The following ADGRE5 variants were observed in gnomAD, a reference collection of about 807,000 sequenced individuals.
The protein encoded by ADGRE5 is CD97 molecule.
A neutral mutation model predicts 100.3 loss-of-function variants in ADGRE5; 72 were observed. That is an observed-to-expected ratio of 0.72 (90% CI 0.59 to 0.87). The LOEUF (loss-of-function observed/expected upper bound fraction) is 0.87, where lower values mean the gene tolerates loss of function less well. Ranked by LOEUF, ADGRE5 falls within the 40% of genes least tolerant of loss-of-function variation. The pLI is 0.00. For missense variants in ADGRE5, 959 were observed against 1,094.7 expected (o/e 0.88, Z 1.75); for synonymous variants, 439 against 447.8 (o/e 0.98, Z 0.25).
chr19:14,387,379 G>C (rs1975396067), intron 1 of ADGRE5, among the ~76,000 whole-genome samples: 1 of 151,918 alleles, frequency 6.6e-6, no homozygotes, highest in Non-Finnish European at 1.5e-5. Flanking sequence ...TTGAGGCCAG[G>C]AGTTCAAGAT....
chr19:14,388,399 C>G, intron 1 of ADGRE5, 51 bp from the exon 2 acceptor site: 1 of 1,427,810 alleles, frequency 7.0e-7, no homozygotes, highest in Non-Finnish European at 9.4e-7. Context: ...CCTTACGCCT[C>G]CTTTCCCACC....
intron 4 of ADGRE5, among the ~76,000 whole-genome samples, chr19:14,393,547 G>T (rs10419498): frequency 3.3e-4 from 50 of 152,324 alleles, no homozygotes; most frequent in African/African-American, 9.1e-4. Context: ...CAAAGAGAGG[G>T]AGTTAGTGCA....
rs1171465390 is a variant in ADGRE5, at chr19:14,406,876, C to T, written c.2123C>T (p.Ala708Val). ...AATCTGCTCCCTGCCCAGTGCAATG[C>T]TGTCATTTTCGTGACTACCGTCTGG... ...GPVTFIILCN[A>V]VIFVTTVWKL... Residue 708 changes from alanine (A) to valine (V), a missense_variant, in exon 17 of 20, where the codon GCT becomes GTT. Physicochemically the swap from Ala to Val is moderately conservative, Grantham distance 64. This residue lies in a region of ADGRE5 where 428 missense variants were observed against 386.2 expected (regional missense o/e 1.11). Coordinates refer to ENST00000242786, the MANE Select transcript of ADGRE5 (RefSeq NM_078481.4). This position sits in a 1 kb window ranked among gnomAD's most constrained non-coding sequence, Gnocchi z 6.0. The T allele has an allele frequency of 6.2e-7, 1 of 1,613,910 alleles. No individual in the cohort carries two copies. Among genetic ancestry groups the T allele is most frequent in the African/African-American group, 1.3e-5 (1 of 74,946 alleles).
In ADGRE5 at chr19:14,401,911, G is replaced by T; in HGVS notation, c.1183+151G>T. 2.0e-6 allele frequency: 1 copy of T among 507,700 alleles called. No homozygotes were observed. Among genetic ancestry groups the T allele is most frequent in the Non-Finnish European group, 3.4e-6 (1 of 292,750 alleles). 31.4% of individuals were successfully genotyped at this position (507,700 alleles called of 1,614,324 possible). ...TTTGGGAGGCCCAGGTGGGTAGATC[G>T]CTTGAGCTCAGAAGTTCAAGACCAG... On this transcript the variant is annotated intron_variant, in intron 11 of 19. Coordinates refer to ENST00000242786, the MANE Select transcript of ADGRE5 (RefSeq NM_078481.4). This position sits in a 1 kb window ranked among gnomAD's most constrained non-coding sequence, Gnocchi z 4.1.
intron 11 of ADGRE5, 121 bp from the exon 12 acceptor site, chr19:14,402,476 G>T: frequency 1.0e-6 from 1 of 959,994 alleles, no homozygotes; most frequent in Non-Finnish European, 1.6e-6. Flanking sequence ...TGACTCATCG[G>T]GAGGGGCTCC....
chr19:14,385,877 C>G (rs1398723866), intron 1 of ADGRE5, among the ~76,000 whole-genome samples: 1 of 151,326 alleles, frequency 6.6e-6, no homozygotes, highest in Non-Finnish European at 1.5e-5. Flanking sequence ...TCAAGCGATT[C>G]TCAAGCCTCA....
chr19:14,406,639 C>T lies in ADGRE5; in HGVS notation c.2049-61C>T, dbSNP rs1226177255. The T allele has an allele frequency of 6.2e-7, 1 of 1,603,028 alleles. No homozygotes were observed. ...GGCAGTGCCACACACAATGTCCGGC[C>T]GCCCTCCGTTCCGCTCCTGGCTTCC... On this transcript the variant is annotated intron_variant, in intron 15 of 19. Coordinates refer to ENST00000242786, the MANE Select transcript of ADGRE5 (RefSeq NM_078481.4). This position sits in a 1 kb window ranked among gnomAD's most constrained non-coding sequence, Gnocchi z 6.0.
intron 14 of ADGRE5, 50 bp downstream of exon 14, chr19:14,405,989 G>T: frequency 6.6e-7 from 1 of 1,525,604 alleles, no homozygotes; most frequent in Non-Finnish European, 8.8e-7. Flanking sequence ...GGGAGGCCTG[G>T]GAGGGGTTAG....
intron 4 of ADGRE5, among the ~76,000 whole-genome samples, chr19:14,394,003 G>A (rs897161905): frequency 1.3e-5 from 2 of 152,178 alleles, no homozygotes; most frequent in Non-Finnish European, 2.9e-5. Context: ...GCTGTACTTG[G>A]TGATCATGGT....
chr19:14,406,772 T>C lies in ADGRE5; in HGVS notation c.2115+6T>C. 2 of 1,613,922 alleles carry C rather than the reference T, an allele frequency of 1.2e-6. No homozygotes were observed. The highest frequency in any genetic ancestry group is 1.7e-6 in the Non-Finnish European group (2 of 1,179,824). ...CTGTGACCTTCATCATTTTGGTAAGTACCCACTCTCCCTCCACCGAAGCCC... is the reference window on the plus strand; with the variant it reads ...CTGTGACCTTCATCATTTTGGTAAGCACCCACTCTCCCTCCACCGAAGCCC... On this transcript the variant is annotated splice_donor_region_variant and intron_variant, in intron 16 of 19. Transcript: ENST00000242786. This position sits in a 1 kb window ranked among gnomAD's most constrained non-coding sequence, Gnocchi z 6.0.
intron 3 of ADGRE5, among the ~76,000 whole-genome samples, chr19:14,389,593 G>A (rs1975521490): frequency 1.3e-5 from 2 of 151,502 alleles, no homozygotes; most frequent in African/African-American, 2.4e-5. Flanking sequence ...AAAATTAGCC[G>A]GGGGTGGTGG....
chr19:14,406,795 C>G lies in ADGRE5; in HGVS notation c.2115+29C>G. On this transcript the variant is annotated intron_variant, in intron 16 of 19. Transcript: ENST00000242786. The surrounding 1 kb of genome is among the most constrained non-coding windows in gnomAD (Gnocchi z 6.0). ...AGTACCCACTCTCCCTCCACCGAAG[C>G]CCGAGCGCCACAGGCCCAGGCCCGG... is the stretch of plus-strand genomic sequence containing the variant. 1 of 1,612,842 alleles carries G rather than the reference C, an allele frequency of 6.2e-7. No individual in the cohort carries two copies.
In ADGRE5 at chr19:14,396,492, C is replaced by T. The variant is rs200832368; in HGVS notation, c.478+19C>T. The stretch of plus-strand genomic sequence containing the variant: ...TGCACAGGTAGAGGCCCCAGGAAGA[C>T]GCCGTGAGGCTGGACGGGAGCTGGG... On this transcript the variant is annotated intron_variant, in intron 5 of 19. Coordinates refer to ENST00000242786, the MANE Select transcript of ADGRE5 (RefSeq NM_078481.4). The T allele has an allele frequency of 1.1e-4, 177 of 1,613,688 alleles. No homozygotes were observed. The highest frequency in any genetic ancestry group is 3.5e-4 in the South Asian group (32 of 91,066).
rs372231585 is a variant in ADGRE5, at chr19:14,401,789, C to T, written c.1183+29C>T. ...GCAGCGGTGGTCTGGAGGGGGAGCC[C>T]GTGGGAGAGAGATGGAGGTGCTGGG... On this transcript the variant is annotated intron_variant, in intron 11 of 19. Transcript: ENST00000242786. The surrounding 1 kb of genome is among the most constrained non-coding windows in gnomAD (Gnocchi z 4.1). 11 of 1,445,598 alleles carry T rather than the reference C, an allele frequency of 7.6e-6. No homozygotes were observed. The African/African-American group carries it at 8.5e-5, about 11-fold the overall frequency. 89.5% of individuals were successfully genotyped at this position (1,445,598 alleles called of 1,614,324 possible).
rs757841862 is a variant in ADGRE5, at chr19:14,407,145, C to A, written c.2292C>A (p.Ser764Arg). Reference sequence around the variant, plus strand: ...GCCTGTTCATCTTCGACGATCGGAGCTTGGTGCTGACCTATGTGTTTACCA... The same window carrying A: ...GCCTGTTCATCTTCGACGATCGGAGATTGGTGCTGACCTATGTGTTTACCA... ...VFGLFIFDDR[S>R]LVLTYVFTIL... Residue 764 changes from serine (S) to arginine (R), a missense_variant, in exon 18 of 20, where the codon AGC (serine) becomes AGA (arginine). Coordinates refer to ENST00000242786, the MANE Select transcript of ADGRE5 (RefSeq NM_078481.4). 3.1e-6 allele frequency: 5 copies of A among 1,614,044 alleles called. No homozygotes were observed. The African/African-American group carries it at 5.3e-5, about 17-fold the overall frequency.
In ADGRE5 at chr19:14,401,730, T is replaced by C. The variant is rs746549606; in HGVS notation, c.1153T>C (p.Trp385Arg). The C allele has an allele frequency of 1.2e-5, 19 of 1,566,668 alleles. No individual in the cohort carries two copies. The East Asian group carries it at 4.1e-4, about 34-fold the overall frequency. The change falls in exon 11 of 20, where the codon TGG becomes CGG. Residue 385 changes from tryptophan to arginine, a missense_variant. Coordinates refer to ENST00000242786, the MANE Select transcript of ADGRE5 (RefSeq NM_078481.4). This position sits in a 1 kb window ranked among gnomAD's most constrained non-coding sequence, Gnocchi z 4.1. ...GAGCAGCGCACGCATGAAGCTGAATTGGGCTGTGGCAGCTGGAGCCGAGGA... is the reference window on the plus strand; with the variant it reads ...GAGCAGCGCACGCATGAAGCTGAATCGGGCTGTGGCAGCTGGAGCCGAGGA... The part of the protein sequence containing the change: ...GQSSARMKLN[W>R]AVAAGAEDPG...
intron 12 of ADGRE5, among the ~76,000 whole-genome samples, chr19:14,403,864 C>CT (rs58411522): frequency 0.02 from 1,472 of 74,256 alleles, 258 homozygotes; most frequent in Non-Finnish European, 0.031. Context: ...GCCTCTCCCA[C>CT]TTTTTTTTTT....
chr19:14,397,338 G>A (rs529233392), intron 6 of ADGRE5, 115 bp downstream of exon 6: 105 of 1,532,124 alleles, frequency 6.9e-5, no homozygotes, highest in African/African-American at 4.9e-4. Context: ...TGTGCCAGGC[G>A]TTCGTTCATT....
rs369212430 is a variant in ADGRE5, at chr19:14,402,578, G to T, written c.1184-19G>T. The T allele has an allele frequency of 1.2e-6, 2 of 1,613,458 alleles. No individual in the cohort carries two copies. The highest frequency in any genetic ancestry group is 1.7e-5 in the Admixed American group (1 of 60,000). ...GAGGAGGACAACGGGAGTAGGCAGCGAGTGTGTCTGTTCCCCAGGCCCCGC... is the reference window on the plus strand; with the variant it reads ...GAGGAGGACAACGGGAGTAGGCAGCTAGTGTGTCTGTTCCCCAGGCCCCGC... On this transcript the variant is annotated intron_variant, in intron 11 of 19. Coordinates refer to ENST00000242786, the MANE Select transcript of ADGRE5 (RefSeq NM_078481.4).
Sources: allele counts gnomAD v4.1 joint callset (sites outside exome capture counted in the v4.1 genomes callset), GRCh38; gene constraint gnomAD v4.1.1; regional missense constraint gnomAD v4.1.1; non-coding constraint Gnocchi (gnomAD v3.1); transcripts MANE v1.5; gene names NCBI Gene and HGNC (gene_info 2026-07-23, HGNC 2026-07-21).